The following GPC5 variants were observed in gnomAD, a reference collection of about 807,000 sequenced individuals.
GPC5 encodes the protein glypican 5, also known as glypican-5.
GPC5 carries 47 observed loss-of-function variants against 53.9 expected under a neutral mutation model. The observed-to-expected ratio is 0.87, with a 90% confidence interval of 0.69 to 1.11. GPC5 has a LOEUF of 1.11. GPC5 is among the 50% of genes most tolerant of loss of function. The pLI is 0.00. For synonymous variants in GPC5, 286 were observed against 263.3 expected (o/e 1.09, Z -0.84); for missense variants, 748 against 713.1 (o/e 1.05, Z -0.56).
At chr13:92,028,555 G>T (rs1000244059) in intron 6 of GPC5, among the ~76,000 whole-genome samples, 4 of 152,082 alleles carry the variant, frequency 2.6e-5, no homozygotes. Flanking sequence ...ATTTGTGCTG[G>T]GTAATTTCAC....
intron 7 of GPC5, among the ~76,000 whole-genome samples, chr13:92,195,373 A>G (rs763335840): frequency 2.0e-5 from 3 of 152,208 alleles, no homozygotes; most frequent in Non-Finnish European, 2.9e-5. Context: ...TGTCATCTTT[A>G]TTAGGTTTAT....
At chr13:91,466,403 G>A (rs1285356776) in intron 2 of GPC5, among the ~76,000 whole-genome samples, 1 of 151,936 alleles carries the variant, frequency 6.6e-6, no homozygotes, top group African/African-American at 2.4e-5. Context: ...ATGGTCCCAA[G>A]TTTTTTTTGT....
At chr13:91,748,880 C>T (rs930193947) in intron 4 of GPC5, among the ~76,000 whole-genome samples, 1 of 151,824 alleles carries the variant, frequency 6.6e-6, no homozygotes, top group Non-Finnish European at 1.5e-5. Flanking sequence ...GAATCTTGTT[C>T]AGTAAATATT....
At chr13:91,499,223 A>G (rs1371799807) in intron 2 of GPC5, among the ~76,000 whole-genome samples, 2 of 152,124 alleles carry the variant, frequency 1.3e-5, no homozygotes, top group Admixed American at 6.5e-5. Flanking sequence ...GAGCAGGAAG[A>G]GGGTGTTGGG....
chr13:92,121,348 G>A (rs2041647558), intron 6 of GPC5, among the ~76,000 whole-genome samples: 1 of 152,184 alleles, frequency 6.6e-6, no homozygotes, highest in Non-Finnish European at 1.5e-5. Flanking sequence ...TTATGATGAT[G>A]CTGTAACTCA....
rs143998330 is a variant in GPC5, at chr13:92,841,359, G to T, written c.1562-24923G>T. Among the ~76,000 whole-genome samples, 850 of 152,114 alleles carry T rather than the reference G, an allele frequency of 5.6e-3. 35 individuals are homozygous for T. In the South Asian group the frequency reaches 0.093, roughly 17 times the overall value. On this transcript the variant is annotated intron_variant, in intron 7 of 7. Coordinates refer to ENST00000377067, the MANE Select transcript of GPC5 (RefSeq NM_004466.6). ...TCTTTTTCCATGAAGCAGCAGAAGT[G>T]ATTTTTTAAATCTTTATTATGGAAA...
chr13:92,223,893 TGAA>T (rs1299167298), intron 7 of GPC5, among the ~76,000 whole-genome samples: 2 of 152,144 alleles, frequency 1.3e-5, no homozygotes, highest in African/African-American at 4.8e-5. Flanking sequence ...GCATTTTGCA[TGAA>T]ATTTGTGCAT....
chr13:91,490,423 T>C (rs1026874906), intron 2 of GPC5, among the ~76,000 whole-genome samples: 76 of 152,308 alleles, frequency 5.0e-4, no homozygotes, highest in Middle Eastern at 3.4e-3. Flanking sequence ...AGACAGATGG[T>C]AGACTAGGAT....
chr13:92,841,146 A>T (rs569401691), intron 7 of GPC5, among the ~76,000 whole-genome samples: 1 of 152,136 alleles, frequency 6.6e-6, no homozygotes, highest in East Asian at 1.9e-4. Context: ...CATATAATCC[A>T]GGTTAGTTTG....
chr13:92,853,085 C>T (rs1375865846), intron 7 of GPC5, among the ~76,000 whole-genome samples: 1 of 151,996 alleles, frequency 6.6e-6, no homozygotes, highest in Non-Finnish European at 1.5e-5. Flanking sequence ...GGGGTCACCA[C>T]TTATGTTAAG....
intron 5 of GPC5, among the ~76,000 whole-genome samples, chr13:91,885,024 T>G (rs2039307408): frequency 6.6e-6 from 1 of 152,188 alleles, no homozygotes; most frequent in Admixed American, 6.5e-5. Flanking sequence ...AACAATACTA[T>G]TGTGGTAAAT....
At chr13:92,570,550 CA>C (rs1166451926) in intron 7 of GPC5, among the ~76,000 whole-genome samples, 1 of 152,052 alleles carries the variant, frequency 6.6e-6, no homozygotes, top group East Asian at 1.9e-4. Context: ...AACTCAAATA[CA>C]AATAAATTTT....
chr13:91,717,095 C>T (rs1404140396), intron 3 of GPC5, among the ~76,000 whole-genome samples: 2 of 151,992 alleles, frequency 1.3e-5, no homozygotes, highest in Admixed American at 1.3e-4. Flanking sequence ...AGATCGAGAG[C>T]AATTTAATTT....
chr13:91,685,323 C>T lies in GPC5; in HGVS notation c.326-7864C>T, dbSNP rs142617399. On this transcript the variant is annotated intron_variant, in intron 2 of 7. Coordinates refer to ENST00000377067, the MANE Select transcript of GPC5 (RefSeq NM_004466.6). ...TTGTCTCAGAATAAAATAAAATAGCCAATCTGTAGAAAATCATTTTGCCCA... is the reference window on the plus strand; with the variant it reads ...TTGTCTCAGAATAAAATAAAATAGCTAATCTGTAGAAAATCATTTTGCCCA... Among the ~76,000 whole-genome samples, 322 of 152,206 alleles carry T rather than the reference C, an allele frequency of 2.1e-3. 2 individuals carry two copies. Among genetic ancestry groups the T allele is most frequent in the African/African-American group, 7.3e-3 (305 of 41,524 alleles).
chr13:92,116,939 GTTTC>G (rs541464591), intron 6 of GPC5, among the ~76,000 whole-genome samples: 33 of 152,124 alleles, frequency 2.2e-4, no homozygotes, highest in South Asian at 1.9e-3. Flanking sequence ...TCGGAATACA[GTTTC>G]TTTATCAGAT....
At chr13:91,531,062 C>T (rs571760575) in intron 2 of GPC5, among the ~76,000 whole-genome samples, 2 of 152,296 alleles carry the variant, frequency 1.3e-5, no homozygotes, top group African/African-American at 4.8e-5. Context: ...TATTTTAAAA[C>T]ATTTATCTCT....
chr13:91,530,473 C>A (rs1886294259), intron 2 of GPC5, among the ~76,000 whole-genome samples: 1 of 152,188 alleles, frequency 6.6e-6, no homozygotes, highest in South Asian at 2.1e-4. Context: ...ACATTTTGGG[C>A]TGGAGTAGTA....
At chr13:92,563,095 G>A (rs1287390030) in intron 7 of GPC5, among the ~76,000 whole-genome samples, 3 of 151,952 alleles carry the variant, frequency 2.0e-5, no homozygotes, top group Non-Finnish European at 4.4e-5. Flanking sequence ...TTCTATAGCA[G>A]TCTTAAATTC....
intron 6 of GPC5, among the ~76,000 whole-genome samples, chr13:91,958,552 A>T (rs2040095772): frequency 6.6e-6 from 1 of 152,046 alleles, no homozygotes; most frequent in African/African-American, 2.4e-5. Flanking sequence ...TTTACATTTC[A>T]TTGAACAGCT....
Sources: allele counts gnomAD v4.1 joint callset (sites outside exome capture counted in the v4.1 genomes callset), GRCh38; gene constraint gnomAD v4.1.1; transcripts MANE v1.5; gene names NCBI Gene and HGNC (gene_info 2026-07-23, HGNC 2026-07-21).